The following RAPGEF4 variants were observed in gnomAD, a reference collection of about 807,000 sequenced individuals.
The protein encoded by RAPGEF4 is RAP guanine-nucleotide-exchange factor (GEF) 4.
In RAPGEF4, 66 loss-of-function variants were observed where a neutral mutation model predicts 147.9. The ratio of observed to expected loss-of-function variants is 0.45; its 90% CI spans 0.37 to 0.55. The LOEUF (loss-of-function observed/expected upper bound fraction) is 0.55. Ranked by LOEUF, RAPGEF4 falls within the 20% of genes least tolerant of loss-of-function variation. The probability of loss-of-function intolerance (pLI) is 0.00; values close to 1 mark genes in which losing one functional copy is unlikely to be tolerated. For synonymous variants in RAPGEF4, 419 were observed against 442.7 expected (o/e 0.95, Z 0.67); for missense variants, 1,071 against 1,257.3 (o/e 0.85, Z 2.24).
intron 4 of RAPGEF4, among the ~76,000 whole-genome samples, chr2:172,874,953 A>G (rs1289275036): frequency 6.6e-6 from 1 of 152,194 alleles, no homozygotes; most frequent in Admixed American, 6.5e-5. Flanking sequence ...CTGGTGTGAG[A>G]TGGTATCTCA....
chr2:172,882,397 C>T (rs1696729093), intron 4 of RAPGEF4, among the ~76,000 whole-genome samples: 1 of 152,182 alleles, frequency 6.6e-6, no homozygotes, highest in Non-Finnish European at 1.5e-5. Flanking sequence ...GGGCCTCACT[C>T]AGGGCCTGTT....
At chr2:172,835,167 C>G (rs983225561) in intron 4 of RAPGEF4, among the ~76,000 whole-genome samples, 4 of 152,008 alleles carry the variant, frequency 2.6e-5, no homozygotes, top group Non-Finnish European at 5.9e-5. Context: ...GTAAATAGAC[C>G]GTGAAGAAGT....
chr2:172,851,714 A>T (rs541353346), intron 4 of RAPGEF4, among the ~76,000 whole-genome samples: 1 of 152,216 alleles, frequency 6.6e-6, no homozygotes, highest in Non-Finnish European at 1.5e-5. Flanking sequence ...AAACACTGCC[A>T]TGTTCTCACT....
intron 4 of RAPGEF4, among the ~76,000 whole-genome samples, chr2:172,892,144 T>C (rs980207215): frequency 6.6e-6 from 1 of 151,960 alleles, no homozygotes; most frequent in Non-Finnish European, 1.5e-5. Context: ...ATGTGAGGGG[T>C]GGAGCAGTCT....
chr2:172,895,513 C>T (rs1047876935), intron 4 of RAPGEF4, among the ~76,000 whole-genome samples: 1 of 152,104 alleles, frequency 6.6e-6, no homozygotes, highest in African/African-American at 2.4e-5. Context: ...AACAAGCCCC[C>T]AAAAAGGCTT....
intron 17 of RAPGEF4, among the ~76,000 whole-genome samples, chr2:173,002,130 C>T (rs73017515): frequency 6.6e-4 from 100 of 151,978 alleles, no homozygotes; most frequent in African/African-American, 2.2e-3. Context: ...GGACTGTGGT[C>T]GGCTTGTGTT....
At chr2:172,741,225 T>C (rs1348799709) in intron 1 of RAPGEF4, among the ~76,000 whole-genome samples, 3 of 152,268 alleles carry the variant, frequency 2.0e-5, no homozygotes, top group Admixed American at 2.0e-4. Context: ...TGTAATAACA[T>C]AGCACAAGTC....
At chr2:172,995,165 G>A (rs751568414) in intron 15 of RAPGEF4, among the ~76,000 whole-genome samples, 1 of 151,904 alleles carries the variant, frequency 6.6e-6, no homozygotes, top group Non-Finnish European at 1.5e-5. Flanking sequence ...TCTCAAACAG[G>A]CAAGGAAACC....
At chr2:172,860,533 G>T (rs1287402565) in intron 4 of RAPGEF4, among the ~76,000 whole-genome samples, 1 of 150,610 alleles carries the variant, frequency 6.6e-6, no homozygotes, top group African/African-American at 2.4e-5. Context: ...ATAACTGTCT[G>T]CAGGAAGCCT....
intron 30 of RAPGEF4, among the ~76,000 whole-genome samples, chr2:173,050,791 T>G (rs1047609554): frequency 6.8e-6 from 1 of 146,798 alleles, no homozygotes; most frequent in African/African-American, 2.5e-5. Context: ...ATCTGGCAAC[T>G]CTAGGCACAG....
intron 6 of RAPGEF4, among the ~76,000 whole-genome samples, chr2:172,956,717 G>A (rs575899482): frequency 3.3e-5 from 5 of 152,204 alleles, no homozygotes; most frequent in South Asian, 2.1e-4. Flanking sequence ...TGATCTGCCC[G>A]CCTCAGCCTC....
At chr2:172,883,101 A>T (rs1037933828) in intron 4 of RAPGEF4, among the ~76,000 whole-genome samples, 8 of 71,924 alleles carry the variant, frequency 1.1e-4, no homozygotes, top group Non-Finnish European at 2.7e-4. Flanking sequence ...AATATGTGTT[A>T]AAAAAAAAAA....
chr2:173,034,908 AC>A, intron 27 of RAPGEF4, among the ~76,000 whole-genome samples: 1 of 151,036 alleles, frequency 6.6e-6, no homozygotes, highest in South Asian at 2.1e-4. Context: ...ACACACACAC[AC>A]AAATACAAAT....
intron 4 of RAPGEF4, among the ~76,000 whole-genome samples, chr2:172,897,012 A>T (rs1698547348): frequency 6.6e-6 from 1 of 152,162 alleles, no homozygotes; most frequent in Admixed American, 6.5e-5. Flanking sequence ...TAAAATCAGC[A>T]TATATGCTTC....
At position 172,901,717 on chromosome 2, in the gene RAPGEF4, C is replaced by T. The variant is rs1699072039; in HGVS notation, c.445-16085C>T. ...ATTTTCTGCTTTATTATTGTGGAATCTGAACCTCAGAGTGGTTGAGAAATT... is the reference window on the plus strand; with the variant it reads ...ATTTTCTGCTTTATTATTGTGGAATTTGAACCTCAGAGTGGTTGAGAAATT... On this transcript the variant is annotated intron_variant, in intron 4 of 30. Transcript: ENST00000397081. Among the ~76,000 whole-genome samples, 3 of 152,308 alleles carry T rather than the reference C, an allele frequency of 2.0e-5. No homozygotes were observed. The South Asian group carries it at 6.2e-4, about 32-fold the overall frequency.
At chr2:172,887,298 C>T (rs55759167) in intron 4 of RAPGEF4, among the ~76,000 whole-genome samples, 4,938 of 152,092 alleles carry the variant, frequency 0.032, 194 homozygotes, top group South Asian at 0.15. Flanking sequence ...TGAAAATATC[C>T]ATATTCTATG....
At chr2:172,982,151 G>T (rs984725046) in intron 10 of RAPGEF4, among the ~76,000 whole-genome samples, 1 of 152,266 alleles carries the variant, frequency 6.6e-6, no homozygotes, top group Non-Finnish European at 1.5e-5. Flanking sequence ...TAAATCTAGC[G>T]CTGTGTTTAG....
At position 172,985,503 on chromosome 2, in the gene RAPGEF4, A is replaced by G. The variant is rs770399031; in HGVS notation, c.1150+10A>G. 7 of 1,612,900 alleles carry G rather than the reference A, an allele frequency of 4.3e-6. No individual in the cohort carries two copies. In the African/African-American group the frequency reaches 8.0e-5, roughly 18 times the overall value. ...AAAGGAGGGACTGTGTGTAAGTGAA[A>G]AGCTGTACTGGAACCTTGCGCCTGG... On this transcript the variant is annotated intron_variant, in intron 12 of 30. Transcript: ENST00000397081.
chr2:172,818,552 G>A (rs1415271982), intron 4 of RAPGEF4, among the ~76,000 whole-genome samples: 1 of 152,068 alleles, frequency 6.6e-6, no homozygotes, highest in East Asian at 1.9e-4. Flanking sequence ...TTACTTTTGA[G>A]GAATGTCCTG....
Sources: gnomAD v4.1 joint callset for allele counts (sites outside exome capture counted in the v4.1 genomes callset) on GRCh38, gnomAD v4.1.1 for gene constraint, MANE v1.5 for transcripts, NCBI Gene and HGNC (gene_info 2026-07-23, HGNC 2026-07-21) for gene names.